ADGRB3: variants seen among roughly 807,000 people sequenced by gnomAD.
ADGRB3 encodes adhesion G protein-coupled receptor B3, also known as brain-specific angiogenesis inhibitor 3.
A neutral mutation model predicts 193.4 loss-of-function variants in ADGRB3; 37 were observed. The ratio of observed to expected loss-of-function variants is 0.19; its 90% CI spans 0.15 to 0.25. ADGRB3 has a LOEUF of 0.25. Ranked by LOEUF, ADGRB3 falls within the 10% of genes least tolerant of loss-of-function variation. The pLI is 1.00. For missense variants in ADGRB3, 1,637 were observed against 1,852.9 expected, an observed-to-expected ratio of 0.88 and a Z score of 2.14; for synonymous variants, 690 against 644.2, an observed-to-expected ratio of 1.07 and a Z score of -1.08.
At position 69,153,328 on chromosome 6, in the gene ADGRB3, ATTG is replaced by A. The variant is rs542962470; in HGVS notation, c.2480+77295_2480+77297del. ...ATACCTTTGAGATCCAGGGAGTTGT[ATTG>A]TTGTCTCTTTTTCAAGCTTGATAAT... On this transcript the variant is annotated intron_variant, in intron 17 of 31. Coordinates refer to ENST00000370598, the MANE Select transcript of ADGRB3 (RefSeq NM_001704.3). Among the ~76,000 whole-genome samples, 576 of 152,254 alleles carry A rather than the reference ATTG, an allele frequency of 3.8e-3. 2 individuals are homozygous for A. The highest frequency in any genetic ancestry group is 0.013 in the African/African-American group (539 of 41,558).
At chr6:68,843,335 A>G (rs191541793) in intron 3 of ADGRB3, among the ~76,000 whole-genome samples, 105 of 152,204 alleles carry the variant, frequency 6.9e-4, no homozygotes, top group African/African-American at 2.4e-3. Context: ...AAGTTGCAGG[A>G]TACAAAGTCA....
chr6:69,209,699 G>T (rs1765613889), intron 17 of ADGRB3, among the ~76,000 whole-genome samples: 1 of 152,150 alleles, frequency 6.6e-6, no homozygotes, highest in Non-Finnish European at 1.5e-5. Context: ...CTTCTGGTGG[G>T]CCTTATGGAC....
chr6:69,083,107 A>C (rs1208748894), intron 17 of ADGRB3, among the ~76,000 whole-genome samples: 1 of 152,192 alleles, frequency 6.6e-6, no homozygotes. Flanking sequence ...ATCTGAAAAA[A>C]ATCTTATTGC....
chr6:68,892,942 G>C (rs922505490), intron 3 of ADGRB3, among the ~76,000 whole-genome samples: 2 of 151,170 alleles, frequency 1.3e-5, no homozygotes, highest in African/African-American at 2.4e-5. Context: ...AGCCTCTCAA[G>C]TTCCACCTGA....
At chr6:68,781,763 G>T (rs1766857992) in intron 3 of ADGRB3, among the ~76,000 whole-genome samples, 1 of 151,918 alleles carries the variant, frequency 6.6e-6, no homozygotes, top group South Asian at 2.1e-4. Context: ...GAGAAAAGTG[G>T]GGCTCCTGGA....
At chr6:68,889,983 A>G (rs1279736490) in intron 3 of ADGRB3, among the ~76,000 whole-genome samples, 3 of 152,202 alleles carry the variant, frequency 2.0e-5, no homozygotes, top group Non-Finnish European at 2.9e-5. Context: ...AAAACTCTAT[A>G]CATGGCCAAC....
intron 3 of ADGRB3, among the ~76,000 whole-genome samples, chr6:68,821,615 A>ATGGATC (rs1208253622): frequency 1.3e-5 from 2 of 151,624 alleles, no homozygotes; most frequent in Non-Finnish European, 3.0e-5. Flanking sequence ...TTTGAGTGAA[A>ATGGATC]TGGATCATGC....
intron 11 of ADGRB3, among the ~76,000 whole-genome samples, chr6:69,004,259 C>T (rs867887797): frequency 2.0e-5 from 3 of 152,148 alleles, no homozygotes; most frequent in African/African-American, 4.8e-5. Context: ...TCTCCAAGAT[C>T]GAGGTCACGA....
chr6:68,863,610 A>G (rs931452719), intron 3 of ADGRB3, among the ~76,000 whole-genome samples: 1 of 152,170 alleles, frequency 6.6e-6, no homozygotes, highest in African/African-American at 2.4e-5. Context: ...ATGTCCAAGT[A>G]CAGTACATAA....
intron 3 of ADGRB3, among the ~76,000 whole-genome samples, chr6:68,685,944 G>A (rs778052824): frequency 1.3e-4 from 20 of 152,092 alleles, no homozygotes; most frequent in Non-Finnish European, 2.1e-4. Context: ...AGTGTAAGAC[G>A]CTTTTGTAAG....
intron 26 of ADGRB3, among the ~76,000 whole-genome samples, chr6:69,346,652 G>A (rs1419236481): frequency 6.6e-6 from 1 of 152,190 alleles, no homozygotes; most frequent in African/African-American, 2.4e-5. Context: ...ACCTCAGTGA[G>A]ATACCGTCTC....
At chr6:69,217,578 G>T (rs1765794231) in intron 17 of ADGRB3, among the ~76,000 whole-genome samples, 2 of 152,124 alleles carry the variant, frequency 1.3e-5, no homozygotes, top group South Asian at 4.1e-4. Context: ...AAGGTGGCCT[G>T]GTTGCAAGGA....
At chr6:68,910,146 C>G (rs1191026086) in intron 3 of ADGRB3, among the ~76,000 whole-genome samples, 1 of 152,178 alleles carries the variant, frequency 6.6e-6, no homozygotes, top group Admixed American at 6.5e-5. Context: ...TTGCAATTCT[C>G]TGATGGCCAG....
intron 11 of ADGRB3, among the ~76,000 whole-genome samples, chr6:69,013,145 C>T (rs1480989441): frequency 6.6e-6 from 1 of 152,076 alleles, no homozygotes; most frequent in East Asian, 1.9e-4. Flanking sequence ...CTTGATGGCA[C>T]AGTGTAGTGT....
At chr6:68,943,729 C>A in intron 5 of ADGRB3, 101 bp from the exon 6 acceptor site, 2 of 954,752 alleles carry the variant, frequency 2.1e-6, no homozygotes, top group Non-Finnish European at 3.0e-6. Flanking sequence ...CATATCTTTA[C>A]ATTTGTCTAT....
chr6:68,880,681 T>C (rs1274537156), intron 3 of ADGRB3, among the ~76,000 whole-genome samples: 2 of 152,320 alleles, frequency 1.3e-5, no homozygotes, highest in East Asian at 1.9e-4. Flanking sequence ...AACTTTGCAA[T>C]TGAACTTTGC....
At chr6:68,812,896 C>T (rs781648333) in intron 3 of ADGRB3, among the ~76,000 whole-genome samples, 2 of 144,950 alleles carry the variant, frequency 1.4e-5, no homozygotes, top group Non-Finnish European at 3.0e-5. Flanking sequence ...CATTGTTAAA[C>T]TCCCAGTTAT....
chr6:69,249,937 A>G (rs952030692), intron 20 of ADGRB3, among the ~76,000 whole-genome samples: 1 of 152,226 alleles, frequency 6.6e-6, no homozygotes, highest in Non-Finnish European at 1.5e-5. Flanking sequence ...TAAAATATTT[A>G]TAGTTATCTT....
intron 8 of ADGRB3, among the ~76,000 whole-genome samples, chr6:68,974,191 G>A (rs1768670474): frequency 6.6e-6 from 1 of 151,986 alleles, no homozygotes; most frequent in Non-Finnish European, 1.5e-5. Flanking sequence ...TGATATGCCT[G>A]AATATGTTCA....
Sources: allele counts gnomAD v4.1 joint callset (sites outside exome capture counted in the v4.1 genomes callset), GRCh38; gene constraint gnomAD v4.1.1; transcripts MANE v1.5; gene names NCBI Gene and HGNC (gene_info 2026-07-23, HGNC 2026-07-21).